The following SH3D19 variants were observed in gnomAD, a reference collection of about 807,000 sequenced individuals.
SH3D19 encodes the protein SH3 domain-containing protein 19.
In SH3D19, 58 loss-of-function variants were observed where a neutral mutation model predicts 112.1. That is an observed-to-expected ratio of 0.52 (90% CI 0.42 to 0.64). The LOEUF is 0.64. Ranked by LOEUF, SH3D19 falls within the 30% of genes least tolerant of loss-of-function variation. SH3D19 has a pLI of 0.00. For synonymous variants in SH3D19, 391 were observed against 448.5 expected (o/e 0.87, Z 1.62); for missense variants, 1,090 against 1,263.4 (o/e 0.86, Z 2.08).
chr4:151,143,625 T>A (rs1001949152), intron 12 of SH3D19, among the ~76,000 whole-genome samples: 4 of 151,146 alleles, frequency 2.6e-5, no homozygotes, highest in Non-Finnish European at 5.9e-5. Flanking sequence ...TTTATTTTTT[T>A]ATTTGTTTTT....
chr4:151,175,177 T>C lies in SH3D19; in HGVS notation c.1027A>G (p.Arg343Gly). 6.2e-7 allele frequency: 1 copy of C among 1,614,196 alleles called. No individual in the cohort carries two copies. Among genetic ancestry groups the C allele is most frequent in the Non-Finnish European group, 8.5e-7 (1 of 1,180,032 alleles). Residue 343 changes from arginine to glycine, a missense_variant, in exon 7 of 20, where the codon AGA (arginine) becomes GGA (glycine). Physicochemically the swap from Arg to Gly is moderately radical, Grantham distance 125. Coordinates refer to ENST00000604030, the MANE Select transcript of SH3D19 (RefSeq NM_001378122.1). ...CCAGAGTCCCACTCTCCAGAAGCTC[T>C]GTTAGCAGCTGGTTTGGGAGCTACA... Reference protein sequence around the residue: ...PSVAPKPAANRASGEWDSGTE... With the variant: ...PSVAPKPAANGASGEWDSGTE...
At chr4:151,180,914 C>A (rs7681570) in intron 3 of SH3D19, among the ~76,000 whole-genome samples, 13,429 of 146,738 alleles carry the variant, frequency 0.092, 896 homozygotes, top group East Asian at 0.19. Flanking sequence ...CAGGTGCCTG[C>A]CACCATGCCC....
At chr4:151,232,798 T>A (rs915418332) in intron 1 of SH3D19, among the ~76,000 whole-genome samples, 1 of 152,228 alleles carries the variant, frequency 6.6e-6, no homozygotes, top group African/African-American at 2.4e-5. Flanking sequence ...ATCCTTGTAT[T>A]CATTTCTTAC....
At chr4:151,234,265 A>T (rs1259970055) in intron 1 of SH3D19, among the ~76,000 whole-genome samples, 2 of 152,242 alleles carry the variant, frequency 1.3e-5, no homozygotes, top group East Asian at 1.9e-4. Context: ...GAAATGGTTC[A>T]AATGAATCAT....
In SH3D19 at chr4:151,160,676, T is replaced by TTC. The variant is rs1304781341; in HGVS notation, c.1643-1326_1643-1325dup. Among the ~76,000 whole-genome samples, 82 of 68,390 alleles carry TTC rather than the reference T, an allele frequency of 1.2e-3. 1 individual carries two copies. The highest frequency in any genetic ancestry group is 0.019 in the Middle Eastern group (2 of 104). The allele number at this position is 68,390 out of a possible 152,430, so 44.9% of individuals were successfully genotyped here. A position where few individuals can be genotyped will look rare whatever the true frequency, so the allele number is the denominator to read the frequency against. The stretch of plus-strand genomic sequence containing the variant: ...ATGAGCAGATGAGCACTCTGTCTCT[T>TTC]TCTCTCTCTTTTTTTTTTTTTCAAA... On this transcript the variant is annotated intron_variant, in intron 8 of 19. Coordinates refer to ENST00000604030, the MANE Select transcript of SH3D19 (RefSeq NM_001378122.1).
intron 11 of SH3D19, among the ~76,000 whole-genome samples, chr4:151,147,560 C>T (rs1202332335): frequency 6.6e-6 from 1 of 152,194 alleles, no homozygotes; most frequent in Non-Finnish European, 1.5e-5. Context: ...CTCCCAGGCT[C>T]AAGCAATTCT....
chr4:151,181,146 G>T (rs1288043287), intron 3 of SH3D19, among the ~76,000 whole-genome samples: 1 of 152,128 alleles, frequency 6.6e-6, no homozygotes, highest in East Asian at 1.9e-4. Flanking sequence ...ATAGTGTAAA[G>T]ATCTGTGCAC....
At chr4:151,272,942 T>C (rs2407219) in intron 1 of SH3D19, among the ~76,000 whole-genome samples, 5,616 of 152,168 alleles carry the variant, frequency 0.037, 312 homozygotes, top group African/African-American at 0.13. Flanking sequence ...AATTATTACA[T>C]GAGGGGCTGT....
In SH3D19 at chr4:151,158,808, TAA is replaced by T. The variant is rs527539053; in HGVS notation, c.1755+430_1755+431del. On this transcript the variant is annotated intron_variant, in intron 9 of 19. Transcript: ENST00000604030. ...GCACAGTAAAACACTATTTTTTAAA[TAA>T]AAAAAATACATTTTTCTTAAATTTC... 3.3e-5 allele frequency among the ~76,000 whole-genome samples: 5 copies of T among 151,894 alleles called. No individual in the cohort carries two copies. In the East Asian group the frequency reaches 9.6e-4, roughly 29 times the overall value.
intron 1 of SH3D19, among the ~76,000 whole-genome samples, chr4:151,255,788 G>A (rs894072047): frequency 1.5e-4 from 23 of 152,270 alleles, no homozygotes; most frequent in Non-Finnish European, 2.6e-4. Flanking sequence ...ACCTCGGGAG[G>A]CCGAGGCTGG....
chr4:151,226,190 T>G (rs1768964176), intron 1 of SH3D19, 104 bp from the exon 2 acceptor site: 3 of 1,229,148 alleles, frequency 2.4e-6, no homozygotes, highest in Non-Finnish European at 3.0e-6. Flanking sequence ...CAAAGGACTG[T>G]TCAAAGGTAG....
intron 19 of SH3D19, among the ~76,000 whole-genome samples, chr4:151,127,163 G>A (rs187190396): frequency 2.1e-4 from 32 of 152,114 alleles, no homozygotes; most frequent in African/African-American, 6.5e-4. Flanking sequence ...CCCCCACCTC[G>A]GCCTCCCAAA....
rs372822947 is a variant in SH3D19, at chr4:151,133,022, C to A, written c.2689+12G>T. 13 of 1,608,794 alleles carry A rather than the reference C, an allele frequency of 8.1e-6. 1 individual carries two copies. The Middle Eastern group carries it at 6.6e-4, about 82-fold the overall frequency. ...AGGACATAACATAATAAAAAAAATT[C>A]TCTATACTCACTTAAAACATTTGCA... On this transcript the variant is annotated intron_variant, in intron 16 of 19. Transcript: ENST00000604030.
At chr4:151,154,118 C>T (rs1048507495) in intron 9 of SH3D19, among the ~76,000 whole-genome samples, 3 of 149,730 alleles carry the variant, frequency 2.0e-5, no homozygotes, top group Non-Finnish European at 4.4e-5. Context: ...CATGACACCA[C>T]ACCCGGCTGA....
At chr4:151,183,067 C>T (rs1178418971) in intron 3 of SH3D19, among the ~76,000 whole-genome samples, 1 of 151,198 alleles carries the variant, frequency 6.6e-6, no homozygotes, top group African/African-American at 2.4e-5. Context: ...CCTTGGCTCA[C>T]TGGAACCTCT....
At chr4:151,322,271 A>G (rs1377066222) in intron 1 of SH3D19, among the ~76,000 whole-genome samples, 1 of 151,870 alleles carries the variant, frequency 6.6e-6, no homozygotes, top group Admixed American at 6.6e-5. Context: ...CGTCTCCACT[A>G]AAAATAGAAA....
At chr4:151,286,599 T>C (rs1561432763) in intron 1 of SH3D19, among the ~76,000 whole-genome samples, 1 of 147,290 alleles carries the variant, frequency 6.8e-6, no homozygotes. Flanking sequence ...GCATTTGTGA[T>C]TAAAAAAAAA....
At chr4:151,318,447 T>C (rs561408967) in intron 1 of SH3D19, among the ~76,000 whole-genome samples, 8 of 152,212 alleles carry the variant, frequency 5.3e-5, no homozygotes, top group Middle Eastern at 3.4e-3. Context: ...AGAATTAAGA[T>C]ATTTCCAAGA....
At chr4:151,152,140 C>G (rs572715478) in intron 9 of SH3D19, among the ~76,000 whole-genome samples, 3 of 152,328 alleles carry the variant, frequency 2.0e-5, no homozygotes, top group African/African-American at 7.2e-5. Context: ...CTGAAAGGCA[C>G]TGCTGTATCT....
Sources: allele counts gnomAD v4.1 joint callset (sites outside exome capture counted in the v4.1 genomes callset), GRCh38; gene constraint gnomAD v4.1.1; transcripts MANE v1.5; gene names NCBI Gene and HGNC (gene_info 2026-07-23, HGNC 2026-07-21).